The following SFXN4 variants were observed in gnomAD, a reference collection of about 807,000 sequenced individuals.
SFXN4 encodes the protein sideroflexin-4.
In SFXN4, 48 loss-of-function variants were observed where a neutral mutation model predicts 54.6. The observed-to-expected ratio is 0.88, with a 90% confidence interval of 0.70 to 1.12. The LOEUF (loss-of-function observed/expected upper bound fraction) is 1.12, where lower values mean the gene tolerates loss of function less well. Ranked by LOEUF, SFXN4 falls within the 50% of genes most tolerant of loss-of-function variation. SFXN4 has a pLI of 0.00. For synonymous variants in SFXN4, 130 were observed against 145.5 expected (o/e 0.89, Z 0.77); for missense variants, 383 against 409.2 (o/e 0.94, Z 0.55).
intron 13 of SFXN4, among the ~76,000 whole-genome samples, chr10:119,145,109 C>T (rs986258752): frequency 7.2e-5 from 11 of 151,874 alleles, no homozygotes; most frequent in Non-Finnish European, 1.0e-4. Context: ...TTACAATTAA[C>T]CCTTGAATAA....
intron 9 of SFXN4, among the ~76,000 whole-genome samples, chr10:119,157,270 A>G (rs912431941): frequency 1.3e-5 from 2 of 151,996 alleles, no homozygotes; most frequent in Non-Finnish European, 2.9e-5. Flanking sequence ...CTCTACTAAA[A>G]AATACAAAAA....
At chr10:119,141,513 T>C (rs900378769) in intron 13 of SFXN4, among the ~76,000 whole-genome samples, 194 bp from the exon 14 acceptor site, 2 of 148,432 alleles carry the variant, frequency 1.3e-5, no homozygotes, top group African/African-American at 5.0e-5. Flanking sequence ...TAAACTTTTT[T>C]TTTTTTTTTT....
intron 11 of SFXN4, among the ~76,000 whole-genome samples, chr10:119,153,454 AC>A (rs2133597198): frequency 6.6e-6 from 1 of 152,152 alleles, no homozygotes; most frequent in East Asian, 1.9e-4. Flanking sequence ...AAAAGAAGAA[AC>A]TAATAGTAAA....
chr10:119,157,970 A>G (rs1184345636), intron 7 of SFXN4, 39 bp downstream of exon 7: 2 of 1,614,062 alleles, frequency 1.2e-6, no homozygotes, highest in Admixed American at 3.3e-5. Flanking sequence ...TTTCAAGCAT[A>G]ACAGAATTTA....
intron 9 of SFXN4, among the ~76,000 whole-genome samples, 164 bp downstream of exon 9, chr10:119,157,504 T>A (rs892211018): frequency 3.9e-5 from 6 of 151,978 alleles, no homozygotes; most frequent in African/African-American, 1.4e-4. Flanking sequence ...AAACTTAAAC[T>A]ATTAACATGA....
intron 13 of SFXN4, among the ~76,000 whole-genome samples, chr10:119,143,972 A>G (rs1262789023): frequency 1.3e-5 from 2 of 152,178 alleles, no homozygotes; most frequent in Admixed American, 1.3e-4. Flanking sequence ...ATAGCATAGT[A>G]ATAGGCATAA....
Position 119,141,170 on chromosome 10 carries a change from G to T in SFXN4, c.*72C>A. The T allele has an allele frequency of 8.5e-7, 1 of 1,170,094 alleles. No homozygotes were observed. Among genetic ancestry groups the T allele is most frequent in the Non-Finnish European group, 1.3e-6 (1 of 793,838 alleles). The allele number at this position is 1,170,094 out of a possible 1,614,324, so 72.5% of individuals were successfully genotyped here. On this transcript the variant is annotated 3_prime_UTR_variant, in exon 14 of 14. Transcript: ENST00000355697. ...GGGTCCCCAGAAGACCTGTGGCAAA[G>T]TTCTCTAAACCGAACCTGGAGAGGG...
At chr10:119,165,390 G>A in intron 1 of SFXN4, 147 bp downstream of exon 1, 1 of 1,331,734 alleles carries the variant, frequency 7.5e-7, no homozygotes. Flanking sequence ...AAGGCCGGTG[G>A]TGCGCGTTCC....
Position 119,155,146 on chromosome 10 carries a change from G to C in SFXN4, c.648C>G (p.Ser216=). 1 of 1,614,068 alleles carries C rather than the reference G, an allele frequency of 6.2e-7. No individual in the cohort carries two copies. Among genetic ancestry groups the C allele is most frequent in the Non-Finnish European group, 8.5e-7 (1 of 1,179,916 alleles). ...VQASGMNVYM[S]RSLESIKGIA... is the part of the protein sequence containing the mutation. ...TCCCCTTAATGGATTCAAGACTTCGGGACATGTAGACATTCATTCCACTGG... is the reference window on the plus strand; with the variant it reads ...TCCCCTTAATGGATTCAAGACTTCGCGACATGTAGACATTCATTCCACTGG... Residue 216 remains serine, a synonymous_variant, in exon 11 of 14, where the codon TCC becomes TCG. Transcript: ENST00000355697.
At chr10:119,143,432 C>A (rs1246483915) in intron 13 of SFXN4, among the ~76,000 whole-genome samples, 2 of 151,820 alleles carry the variant, frequency 1.3e-5, no homozygotes, top group Non-Finnish European at 2.9e-5. Context: ...ACCTCCCATG[C>A]TCAGGTGATC....
intron 10 of SFXN4, among the ~76,000 whole-genome samples, chr10:119,155,757 T>C (rs1408403441): frequency 1.3e-5 from 2 of 152,162 alleles, no homozygotes; most frequent in Non-Finnish European, 2.9e-5. Flanking sequence ...CCTCCCAAAG[T>C]GCTGGGATTC....
Position 119,146,355 on chromosome 10 carries a change from T to C in SFXN4, c.819-2A>G, listed in dbSNP as rs1403648180. The C allele has an allele frequency of 3.2e-6, 5 of 1,574,252 alleles. No homozygotes were observed. The highest frequency in any genetic ancestry group is 3.5e-6 in the Non-Finnish European group (4 of 1,144,992). ...GGGTTTTTCCTGAAATACTGGGTCC[T>C]GTAAGAGACAAGGCATGGCTCACAA... On this transcript the variant is annotated splice_acceptor_variant, in intron 12 of 13. Transcript: ENST00000355697. LOFTEE classifies it high-confidence loss of function.
intron 1 of SFXN4, chr10:119,165,257 T>C: frequency 8.6e-7 from 1 of 1,156,902 alleles, no homozygotes; most frequent in Non-Finnish European, 1.1e-6. Context: ...GCTCAGGCAG[T>C]AGGGAGCAGC....
At chr10:119,150,583 C>T (rs1320367540) in intron 11 of SFXN4, among the ~76,000 whole-genome samples, 3 of 151,914 alleles carry the variant, frequency 2.0e-5, no homozygotes, top group South Asian at 2.1e-4. Flanking sequence ...GCAGGAGGGT[C>T]GCTTGAGCCC....
At chr10:119,163,493 G>A (rs1414597682) in intron 2 of SFXN4, among the ~76,000 whole-genome samples, 1 of 152,082 alleles carries the variant, frequency 6.6e-6, no homozygotes, top group Non-Finnish European at 1.5e-5. Context: ...CACCTCCTGG[G>A]TTCAGAAAGT....
chr10:119,162,083 G>A, intron 3 of SFXN4: 1 of 515,866 alleles, frequency 1.9e-6, no homozygotes, highest in Non-Finnish European at 3.4e-6. Flanking sequence ...CTGTGTAGGA[G>A]GAAACTTGCT....
rs138666397 is a variant in SFXN4 at position 119,157,959 on chromosome 10, G to A, written c.415-32C>T. 1.5e-3 allele frequency: 2,376 copies of A among 1,614,078 alleles called. 29 individuals are homozygous for A. In the African/African-American group the frequency reaches 0.025, roughly 17 times the overall value. On this transcript the variant is annotated intron_variant, in intron 7 of 13. Transcript: ENST00000355697. ...AGAGGGGCAAATGGATCGCATTTTC[G>A]TTTCAAGCATAACAGAATTTAGTAA... is the stretch of plus-strand genomic sequence containing the variant.
intron 12 of SFXN4, among the ~76,000 whole-genome samples, chr10:119,147,180 C>T (rs540037116): frequency 2.6e-5 from 4 of 152,298 alleles, no homozygotes; most frequent in African/African-American, 9.6e-5. Context: ...GAGGCGCGCC[C>T]AGCAGGGGAG....
chr10:119,143,898 G>C (rs181535844), intron 13 of SFXN4, among the ~76,000 whole-genome samples: 1 of 152,132 alleles, frequency 6.6e-6, no homozygotes, highest in Admixed American at 6.6e-5. Flanking sequence ...TTACAGACAT[G>C]AGCCACCGTG....
Sources: allele counts gnomAD v4.1 joint callset (sites outside exome capture counted in the v4.1 genomes callset), GRCh38; gene constraint gnomAD v4.1.1; transcripts MANE v1.5; gene names NCBI Gene and HGNC (gene_info 2026-07-23, HGNC 2026-07-21).